The following PRKAR1B variants were observed in gnomAD, a reference collection of about 807,000 sequenced individuals.
The protein encoded by PRKAR1B is protein kinase cAMP-dependent type I regulatory subunit beta, also known as cAMP-dependent protein kinase type I-beta regulatory subunit.
Under a neutral mutation model 46.5 loss-of-function variants are expected in PRKAR1B, and 22 were observed. The ratio of observed to expected loss-of-function variants is 0.47; its 90% confidence interval spans 0.34 to 0.68. The LOEUF (loss-of-function observed/expected upper bound fraction) is 0.68. PRKAR1B is among the 30% of genes least tolerant of loss of function. The pLI is 0.01. For synonymous variants in PRKAR1B, 259 were observed against 217.7 expected (o/e 1.19, Z -1.67); for missense variants, 445 against 535.6 (o/e 0.83, Z 1.67).
At chr7:687,001 G>C (rs1031683507) in intron 2 of PRKAR1B, among the ~76,000 whole-genome samples, 1 of 152,216 alleles carries the variant, frequency 6.6e-6, no homozygotes, top group Non-Finnish European at 1.5e-5. Flanking sequence ...GATTAAGCCA[G>C]CCTCCCTGGG....
chr7:550,385 C>A lies in PRKAR1B; in HGVS notation c.*45G>T. 1.3e-6 allele frequency: 2 copies of A among 1,540,958 alleles called. No homozygotes were observed. The highest frequency in any genetic ancestry group is 1.4e-5 in the African/African-American group (1 of 73,126). ...GCCCCCGACACAGACGAGCAGGGCA[C>A]GGCCACCACACTGGGGAGCTGGGGC... On this transcript the variant is annotated 3_prime_UTR_variant, in exon 11 of 11. Transcript: ENST00000537384.
chr7:614,123 G>T (rs545170200), intron 4 of PRKAR1B, among the ~76,000 whole-genome samples: 1 of 152,352 alleles, frequency 6.6e-6, no homozygotes, highest in South Asian at 2.1e-4. Context: ...CCGCACGCCC[G>T]ACCAGGACAG....
chr7:565,883 C>G (rs1487338372), intron 9 of PRKAR1B, among the ~76,000 whole-genome samples: 1 of 152,168 alleles, frequency 6.6e-6, no homozygotes, highest in Non-Finnish European at 1.5e-5. Flanking sequence ...CAGAATCCAC[C>G]AGGTTCTGGG....
At chr7:612,605 GAGGA>G (rs1343648385) in intron 4 of PRKAR1B, among the ~76,000 whole-genome samples, 1 of 152,296 alleles carries the variant, frequency 6.6e-6, no homozygotes, top group East Asian at 1.9e-4. Flanking sequence ...TATTAGAGGA[GAGGA>G]AGGAAGGGAA....
intron 4 of PRKAR1B, among the ~76,000 whole-genome samples, chr7:607,693 T>G (rs1471657451): frequency 6.6e-6 from 1 of 152,234 alleles, no homozygotes; most frequent in Non-Finnish European, 1.5e-5. Context: ...AGACGCAGTT[T>G]GCTGTTTTGG....
At position 714,513 on chromosome 7, in the gene PRKAR1B, A is replaced by G. The variant is rs1421099961; in HGVS notation, c.-22-2986T>C. ...TGACGTCTGCTGAGCTCCTCTCCTC[A>G]TTGCCACGACGGCAGCTCCCACTGC... On this transcript the variant is annotated intron_variant, in intron 1 of 10. Transcript: ENST00000537384. The surrounding 1 kb of genome is among the most constrained non-coding windows in gnomAD (Gnocchi z 4.3). 2.6e-5 allele frequency among the ~76,000 whole-genome samples: 4 copies of G among 151,824 alleles called. No individual in the cohort carries two copies. The highest frequency in any genetic ancestry group is 5.9e-5 in the Non-Finnish European group (4 of 67,954).
Position 711,474 on chromosome 7 carries a change from T to C in PRKAR1B, c.32A>G (p.Glu11Gly). The C allele has an allele frequency of 6.2e-7, 1 of 1,613,988 alleles. No individual in the cohort carries two copies. Among genetic ancestry groups the C allele is most frequent in the Non-Finnish European group, 8.5e-7 (1 of 1,179,950 alleles). The change falls in exon 2 of 11, where the codon GAG becomes GGG. Residue 11 changes from glutamate (E) to glycine (G), a missense_variant. Coordinates refer to ENST00000537384, the MANE Select transcript of PRKAR1B (RefSeq NM_001164760.2). ...CTCACAGCCCTTCAGGCTCTCGTCC[T>C]CCTCCGAGGGGCAGGCGGGCGGGGA... is the stretch of plus-strand genomic sequence containing the variant. MASPPACPSEEDESLKGCELY... is the reference protein window; with the variant it reads MASPPACPSEGDESLKGCELY...
In PRKAR1B at chr7:680,869, T is replaced by A. The variant is rs1778642294; in HGVS notation, c.178-143A>T. The A allele has an allele frequency of 4.3e-6, 4 of 923,854 alleles. No homozygotes were observed. The Middle Eastern group carries it at 9.1e-4, about 210-fold the overall frequency. 57.2% of individuals were successfully genotyped at this position (923,854 alleles called of 1,614,324 possible). A position where few individuals can be genotyped will look rare whatever the true frequency, so the allele number is the denominator to read the frequency against. Reference sequence around the variant, plus strand: ...TCAGGAGTTGGACATACGGTTAGGCTTTGTGTCCCCACCCAAATCTCTTTT... The same window carrying A: ...TCAGGAGTTGGACATACGGTTAGGCATTGTGTCCCCACCCAAATCTCTTTT... On this transcript the variant is annotated intron_variant, in intron 2 of 10. Transcript: ENST00000537384.
intron 2 of PRKAR1B, among the ~76,000 whole-genome samples, chr7:687,386 G>C (rs367998762): frequency 1.3e-5 from 2 of 152,050 alleles, no homozygotes; most frequent in Non-Finnish European, 2.9e-5. Flanking sequence ...AAACTATAAG[G>C]CACGTGGAAA....
At chr7:698,468 C>T (rs1290476791) in intron 2 of PRKAR1B, among the ~76,000 whole-genome samples, 1 of 151,730 alleles carries the variant, frequency 6.6e-6, no homozygotes, top group Non-Finnish European at 1.5e-5. Flanking sequence ...GTGTGCATAT[C>T]TAGGTACGTA....
chr7:694,554 A>G (rs1473527984), intron 2 of PRKAR1B, among the ~76,000 whole-genome samples: 3 of 152,050 alleles, frequency 2.0e-5, no homozygotes, highest in African/African-American at 7.2e-5. Context: ...ACTCCTACAT[A>G]TACTTTAAAG....
In PRKAR1B at chr7:615,527, AAGAG is replaced by A. The variant is rs963127650; in HGVS notation, c.441-8079_441-8076del. ...AAGGAAAAAAGGAAGAAAGGAAAGA[AAGAG>A]AGAGAGAAAGAAGGAAAGAAAGAAG... On this transcript the variant is annotated intron_variant, in intron 4 of 10. Transcript: ENST00000537384. Among the ~76,000 whole-genome samples, 11 of 151,554 alleles carry A rather than the reference AAGAG, an allele frequency of 7.3e-5. No individual in the cohort carries two copies. In the East Asian group the frequency reaches 9.7e-4, roughly 13 times the overall value.
At chr7:725,673 G>T (rs913257931) in intron 1 of PRKAR1B, among the ~76,000 whole-genome samples, 3 of 152,208 alleles carry the variant, frequency 2.0e-5, no homozygotes, top group African/African-American at 7.2e-5. Flanking sequence ...GAATGCTTTT[G>T]TAAGACTAAC....
At chr7:645,508 C>T (rs890232842) in intron 4 of PRKAR1B, among the ~76,000 whole-genome samples, 3 of 152,046 alleles carry the variant, frequency 2.0e-5, no homozygotes, top group Admixed American at 2.0e-4. Flanking sequence ...AATAATTAGC[C>T]GGGTGTGATG....
chr7:674,323 T>C (rs1786459232), intron 4 of PRKAR1B, among the ~76,000 whole-genome samples: 1 of 150,484 alleles, frequency 6.6e-6, no homozygotes, highest in Non-Finnish European at 1.5e-5. Flanking sequence ...CCATCCATGC[T>C]TAGATACTCC....
chr7:583,378 CAT>C (rs68190838), intron 8 of PRKAR1B, among the ~76,000 whole-genome samples: 38,633 of 125,868 alleles, frequency 0.31, 7,335 homozygotes, highest in Non-Finnish European at 0.34. Flanking sequence ...CCCACTCACA[CAT>C]GTGCACACTC....
intron 9 of PRKAR1B, among the ~76,000 whole-genome samples, chr7:558,511 T>G (rs1039268081): frequency 6.6e-6 from 1 of 151,396 alleles, no homozygotes; most frequent in Non-Finnish European, 1.5e-5. Context: ...ATCCCAGCAT[T>G]TTGGGAGGCC....
chr7:641,218 C>G (rs533629376), intron 4 of PRKAR1B, among the ~76,000 whole-genome samples: 2 of 152,178 alleles, frequency 1.3e-5, no homozygotes, highest in African/African-American at 2.4e-5. Context: ...TCCCAAAGTT[C>G]TGGGATTACA....
At chr7:726,782 C>T (rs1276884019) in intron 1 of PRKAR1B, 5 of 1,275,980 alleles carry the variant, frequency 3.9e-6, no homozygotes, top group Non-Finnish European at 4.9e-6. Context: ...GGGGCCGAGA[C>T]GGCTGAGGCG....
Sources: gnomAD v4.1 joint callset for allele counts (sites outside exome capture counted in the v4.1 genomes callset) on GRCh38, gnomAD v4.1.1 for gene constraint, Gnocchi (gnomAD v3.1) non-coding constraint, MANE v1.5 for transcripts, NCBI Gene and HGNC (gene_info 2026-07-23, HGNC 2026-07-21) for gene names.